Variants in LRRC71 observed in about 807,000 individuals in gnomAD.
LRRC71 encodes leucine rich repeat containing 71.
In LRRC71, 54 loss-of-function variants were observed where a neutral mutation model predicts 66.6. The ratio of observed to expected loss-of-function variants is 0.81; its 90% CI spans 0.65 to 1.02. LRRC71 has a LOEUF of 1.02. Ranked by LOEUF, LRRC71 falls within the 50% of genes least tolerant of loss-of-function variation. The pLI, the probability that LRRC71 is intolerant of heterozygous loss-of-function variation, is 0.00. For synonymous variants in LRRC71, 323 were observed against 303.9 expected (o/e 1.06, Z -0.65); for missense variants, 724 against 718.0 (o/e 1.01, Z -0.10).
intron 1 of LRRC71, 99 bp downstream of exon 1, chr1:156,921,062 C>G (rs41273223): frequency 0.087 from 114,344 of 1,310,642 alleles, 5,471 homozygotes; most frequent in Admixed American, 0.13. Flanking sequence ...TGAACTCATA[C>G]ATACCTACGT....
At chr1:156,937,213 G>A (rs1655614497), downstream of LRRC71, 4 of 1,612,600 alleles carry the variant, frequency 2.5e-6, no homozygotes, top group Non-Finnish European at 2.5e-6. Flanking sequence ...GTGATGGACT[G>A]AAGGCCTGCA....
In LRRC71 at chr1:156,927,543, C is replaced by T. The variant is rs750529072; in HGVS notation, c.710C>T (p.Ala237Val). The change falls in exon 7 of 15, where the codon GCG becomes GTG. Residue 237 changes from alanine (A) to valine (V), a missense_variant. Transcript: ENST00000337428. The stretch of plus-strand genomic sequence containing the variant: ...AACAATAACATCGACGACCGCGGGG[C>T]GCAACTCCTGGGCCAGGCGCTGTCC... Reference protein sequence around the residue: ...LRNNNIDDRGAQLLGQALSTL... With the variant: ...LRNNNIDDRGVQLLGQALSTL... 2.6e-6 allele frequency: 4 copies of T among 1,560,538 alleles called. No individual in the cohort carries two copies. Among genetic ancestry groups the T allele is most frequent in the Non-Finnish European group, 2.6e-6 (3 of 1,154,426 alleles).
At chr1:156,939,469 A>G in the LRRC71 span, 1 of 1,589,530 alleles carries the variant, frequency 6.3e-7, no homozygotes, top group East Asian at 2.2e-5. Context: ...GAGTATAGGG[A>G]AGGAAGCAGC....
At chr1:156,929,615 C>T (rs1196287479) in intron 10 of LRRC71, 21 bp from the exon 11 acceptor site, 1 of 1,569,486 alleles carries the variant, frequency 6.4e-7, no homozygotes, top group South Asian at 1.2e-5. Context: ...ACTTGCCCCT[C>T]TCTTCTCACA....
Position 156,932,872 on chromosome 1 carries a change from A to C in LRRC71, c.1583A>C (p.Gln528Pro), listed in dbSNP as rs1319461057. The part of the protein sequence containing the change: ...LSLAKNCFAP[Q>P]CPAYAIIQEL... Reference sequence around the variant, plus strand: ...TTTCAGAAAAATTGCTTCGCCCCACAATGTCCTGCGTACGCCATAATCCAG... The same window carrying C: ...TTTCAGAAAAATTGCTTCGCCCCACCATGTCCTGCGTACGCCATAATCCAG... Residue 528 changes from glutamine (Q) to proline (P), a missense_variant, in exon 15 of 15, where the codon CAA (glutamine) becomes CCA (proline). Gln to Pro is a moderately conservative substitution (Grantham distance 76, BLOSUM62 -1). Coordinates refer to ENST00000337428, the MANE Select transcript of LRRC71 (RefSeq NM_144702.3). 1.2e-6 allele frequency: 2 copies of C among 1,609,058 alleles called. No individual in the cohort carries two copies. Among genetic ancestry groups the C allele is most frequent in the Non-Finnish European group, 1.7e-6 (2 of 1,178,112 alleles).
chr1:156,929,312 G>T lies in LRRC71; in HGVS notation c.1029G>T (p.Thr343=). The part of the protein sequence containing the change: ...PSSSRHGDSK[T]DREKSQMVGI... The stretch of plus-strand genomic sequence containing the variant: ...CCTCTCGACACGGGGACTCCAAAAC[G>T]GACCGTGAGAAGAGTCAGATGGTAG... The change falls in exon 10 of 15, where the codon ACG becomes ACT. Residue 343 remains threonine, a synonymous_variant. Coordinates refer to ENST00000337428, the MANE Select transcript of LRRC71 (RefSeq NM_144702.3). 6.2e-7 allele frequency: 1 copy of T among 1,610,394 alleles called. No homozygotes were observed. The highest frequency in any genetic ancestry group is 8.5e-7 in the Non-Finnish European group (1 of 1,178,302).
the LRRC71 span, chr1:156,938,337 T>G: frequency 9.8e-6 from 13 of 1,323,704 alleles, no homozygotes; most frequent in East Asian, 3.1e-4. Context: ...TGTGTGACCA[T>G]GGGCAGGGGT....
intron 5 of LRRC71, 79 bp downstream of exon 5, chr1:156,925,094 A>T (rs1652999764): frequency 7.3e-7 from 1 of 1,377,208 alleles, no homozygotes; most frequent in African/African-American, 1.4e-5. Context: ...TGGGGATGGA[A>T]GTGGCAGGTC....
At chr1:156,939,040 T>C in the LRRC71 span, 1 of 201,530 alleles carries the variant, frequency 5.0e-6, no homozygotes, top group Non-Finnish European at 9.9e-6. Flanking sequence ...ACTCCCCACA[T>C]CCCTCACTCG....
At chr1:156,926,745 T>C (rs548985795) in intron 5 of LRRC71, among the ~76,000 whole-genome samples, 4 of 152,276 alleles carry the variant, frequency 2.6e-5, no homozygotes, top group African/African-American at 9.6e-5. Flanking sequence ...CCGCTAATTT[T>C]TTGTATTTTT....
chr1:156,923,971 C>A lies in LRRC71; in HGVS notation c.183C>A (p.Val61=). 16 of 1,532,678 alleles carry A rather than the reference C, an allele frequency of 1.0e-5. No homozygotes were observed. The highest frequency in any genetic ancestry group is 1.4e-5 in the Non-Finnish European group (16 of 1,137,508). The allele number at this position is 1,532,678 out of a possible 1,614,324, so 94.9% of individuals were successfully genotyped here. A position where few individuals can be genotyped will look rare whatever the true frequency, so the allele number is the denominator to read the frequency against. ...KSPEEYQCSG[V]LETDFAELCT... The stretch of plus-strand genomic sequence containing the variant: ...CAGAGGAGTACCAGTGCTCCGGGGT[C>A]CTCGAGACCGACTTCGCCGAGCTCT... Residue 61 remains valine (V), a synonymous_variant, in exon 2 of 15, where the codon GTC becomes GTA. Transcript: ENST00000337428.
downstream of LRRC71, chr1:156,934,948 T>TTA (rs999349764): frequency 2.0e-5 from 3 of 148,244 alleles, no homozygotes; most frequent in African/African-American, 7.4e-5. Context: ...TATCTATATT[T>TTA]TATATATTAT....
downstream of LRRC71, chr1:156,936,935 A>T: frequency 6.2e-7 from 1 of 1,613,968 alleles, no homozygotes; most frequent in Non-Finnish European, 8.5e-7. Flanking sequence ...GAAACTGCCC[A>T]CAGGCGTGGT....
chr1:156,921,712 AACACACACACACACACACACACAC>A (rs34547094), intron 1 of LRRC71: 11 of 278,568 alleles, frequency 3.9e-5, no homozygotes, highest in East Asian at 4.0e-4. Flanking sequence ...TTACATTCAA[AACACACACACACACACACACACAC>A]ACACACACAC....
chr1:156,923,081 C>T lies in LRRC71; in HGVS notation c.161-868C>T, dbSNP rs73006666. ...TCTCATGCCTTTCCCCATGAACCCT[C>T]GAGCCTCTCTGCATCCTGCCAGCTC... is the stretch of plus-strand genomic sequence containing the variant. On this transcript the variant is annotated intron_variant, in intron 1 of 14. Coordinates refer to ENST00000337428, the MANE Select transcript of LRRC71 (RefSeq NM_144702.3). 3.2e-3 allele frequency among the ~76,000 whole-genome samples: 494 copies of T among 152,310 alleles called. 7 individuals are homozygous for T. Among genetic ancestry groups the T allele is most frequent in the African/African-American group, 0.011 (462 of 41,560 alleles).
chr1:156,938,529 C>A, the LRRC71 span: 370 of 1,610,478 alleles, frequency 2.3e-4, 2 homozygotes, highest in African/African-American at 4.2e-3. Context: ...CCGACACCAC[C>A]ACCACCAGGA....
At position 156,927,667 on chromosome 1, in the gene LRRC71, G is replaced by A. The variant is rs1189758458; in HGVS notation, c.822+12G>A. ...GCTACATCGCGGACGTGAGTGCACGGCGGGGAGGGACCTGCTGGGAGCAGG... is the reference window on the plus strand; with the variant it reads ...GCTACATCGCGGACGTGAGTGCACGACGGGGAGGGACCTGCTGGGAGCAGG... On this transcript the variant is annotated intron_variant, in intron 7 of 14. Coordinates refer to ENST00000337428, the MANE Select transcript of LRRC71 (RefSeq NM_144702.3). 1.2e-6 allele frequency: 2 copies of A among 1,606,906 alleles called. No homozygotes were observed. The highest frequency in any genetic ancestry group is 1.7e-6 in the Non-Finnish European group (2 of 1,178,412).
chr1:156,936,480 G>GAAAAAAA (rs35863393), downstream of LRRC71, among the ~76,000 whole-genome samples: 102 of 48,000 alleles, frequency 2.1e-3, no homozygotes, highest in African/African-American at 9.1e-3. Context: ...CAAATAAATA[G>GAAAAAAA]AAAAAAAAAA....
intron 5 of LRRC71, among the ~76,000 whole-genome samples, chr1:156,925,681 T>C (rs1331310489): frequency 6.6e-6 from 1 of 152,186 alleles, no homozygotes; most frequent in African/African-American, 2.4e-5. Context: ...GGGGCAAGGC[T>C]GATTTGGCCC....
Sources: allele counts gnomAD v4.1 joint callset (sites outside exome capture counted in the v4.1 genomes callset), GRCh38; gene constraint gnomAD v4.1.1; transcripts MANE v1.5; gene names NCBI Gene and HGNC (gene_info 2026-07-23, HGNC 2026-07-21).